The following ROR2 variants were observed in gnomAD, a reference collection of about 807,000 sequenced individuals.
ROR2 encodes the protein tyrosine-protein kinase transmembrane receptor ROR2.
ROR2 carries 33 observed loss-of-function variants against 74.9 expected under a neutral mutation model. That is an observed-to-expected ratio of 0.44 (90% CI 0.33 to 0.59). The LOEUF (loss-of-function observed/expected upper bound fraction) is 0.59, where lower values mean the gene tolerates loss of function less well. Among genes scored for constraint, ROR2 ranks in the 20% least tolerant of loss-of-function variants. ROR2 has a pLI of 0.02. For missense variants in ROR2, 1,216 were observed against 1,313.8 expected (o/e 0.93, Z 1.15); for synonymous variants, 586 against 558.7 (o/e 1.05, Z -0.69).
Position 91,756,084 on chromosome 9 carries a change from T to A in ROR2, c.481A>T (p.Asn161Tyr), listed in dbSNP as rs754694476. The A allele has an allele frequency of 1.2e-6, 2 of 1,614,044 alleles. No homozygotes were observed. Among genetic ancestry groups the A allele is most frequent in the Non-Finnish European group, 1.7e-6 (2 of 1,179,904 alleles). ...ACAGATACTTACTGAAAGTTATGAT[T>A]TGGGCTGTGCGTTGGACCTAAAAAG... is the stretch of plus-strand genomic sequence containing the variant. ...FVRLGPTHSP[N>Y]HNFQDDYHED... The change falls in exon 4 of 9, where the codon AAT (asparagine) becomes TAT (tyrosine). Residue 161 changes from asparagine to tyrosine, a missense_variant. By Grantham distance (143) the Asn-to-Tyr change is moderately radical. Transcript: ENST00000375708.
chr9:91,823,314 T>G (rs905745999), intron 1 of ROR2, among the ~76,000 whole-genome samples: 1 of 152,242 alleles, frequency 6.6e-6, no homozygotes, highest in Admixed American at 6.5e-5. Flanking sequence ...TGTCAACAAC[T>G]TATTTTCAAA....
intron 1 of ROR2, among the ~76,000 whole-genome samples, chr9:91,867,874 C>G (rs866651298): frequency 8.3e-4 from 127 of 152,228 alleles, no homozygotes; most frequent in African/African-American, 2.9e-3. Flanking sequence ...GAACTTGCAG[C>G]CTGAACCCAA....
At chr9:91,903,390 C>T (rs890731306) in intron 1 of ROR2, among the ~76,000 whole-genome samples, 1 of 152,070 alleles carries the variant, frequency 6.6e-6, no homozygotes. Context: ...GGCATCAACT[C>T]ACTTCTACAA....
At chr9:91,773,010 A>C (rs1826286642) in intron 2 of ROR2, among the ~76,000 whole-genome samples, 1 of 152,140 alleles carries the variant, frequency 6.6e-6, no homozygotes, top group East Asian at 1.9e-4. Flanking sequence ...TGATAAGCAA[A>C]TGCATCTTCC....
At chr9:91,757,906 C>T (rs1360168333) in intron 2 of ROR2, among the ~76,000 whole-genome samples, 1 of 152,162 alleles carries the variant, frequency 6.6e-6, no homozygotes, top group Non-Finnish European at 1.5e-5. Flanking sequence ...AACCCATGGC[C>T]AACAGCCTCA....
At chr9:91,767,087 T>C (rs1826081546) in intron 2 of ROR2, among the ~76,000 whole-genome samples, 1 of 151,994 alleles carries the variant, frequency 6.6e-6, no homozygotes, top group Non-Finnish European at 1.5e-5. Context: ...ACGGTTTTTT[T>C]TTTTTTGAGG....
intron 1 of ROR2, among the ~76,000 whole-genome samples, chr9:91,900,410 C>T (rs1363425670): frequency 1.3e-5 from 2 of 152,240 alleles, no homozygotes; most frequent in East Asian, 3.8e-4. Flanking sequence ...GGCCCCCCCA[C>T]GCAGGGAACG....
intron 1 of ROR2, among the ~76,000 whole-genome samples, chr9:91,788,844 G>C (rs1253626592): frequency 1.4e-5 from 2 of 144,644 alleles, no homozygotes; most frequent in Admixed American, 1.4e-4. Context: ...CTGGGTGACA[G>C]AGCGAGACTC....
intron 7 of ROR2, among the ~76,000 whole-genome samples, chr9:91,728,025 G>A (rs1292113400): frequency 4.6e-5 from 7 of 152,120 alleles, no homozygotes; most frequent in Non-Finnish European, 7.3e-5. Flanking sequence ...TGGGGATGCC[G>A]ATTCATTCTT....
At chr9:91,934,184 A>G (rs1431719052) in intron 1 of ROR2, among the ~76,000 whole-genome samples, 1 of 152,114 alleles carries the variant, frequency 6.6e-6, no homozygotes, top group Non-Finnish European at 1.5e-5. Flanking sequence ...TCTTTTTCAA[A>G]TCATCAACAT....
intron 1 of ROR2, among the ~76,000 whole-genome samples, chr9:91,778,441 C>T (rs1257384497): frequency 1.3e-5 from 2 of 152,198 alleles, no homozygotes; most frequent in African/African-American, 2.4e-5. Context: ...AAGGCCTTTT[C>T]GGTTTTCACC....
chr9:91,839,417 GGTGT>G (rs1257624570), intron 1 of ROR2, among the ~76,000 whole-genome samples: 2 of 150,792 alleles, frequency 1.3e-5, no homozygotes, highest in African/African-American at 2.4e-5. Flanking sequence ...GGGTCTGTGG[GGTGT>G]GTGTGTATGT....
intron 1 of ROR2, among the ~76,000 whole-genome samples, chr9:91,805,391 G>A (rs778943737): frequency 2.6e-5 from 4 of 152,196 alleles, no homozygotes; most frequent in Non-Finnish European, 4.4e-5. Context: ...GGCAGTCAGC[G>A]GCTGCTCCTG....
intron 2 of ROR2, among the ~76,000 whole-genome samples, chr9:91,765,025 T>C (rs1564260621): frequency 6.6e-6 from 1 of 152,244 alleles, no homozygotes; most frequent in Non-Finnish European, 1.5e-5. Flanking sequence ...AAATTTATTT[T>C]TATTTTAGCC....
chr9:91,726,811 C>T, intron 7 of ROR2, 68 bp from the exon 8 acceptor site: 2 of 1,506,102 alleles, frequency 1.3e-6, no homozygotes, highest in East Asian at 2.3e-5. Context: ...TCTCTACCAA[C>T]CCACTCTCCA....
At chr9:91,902,629 C>A (rs1830703402) in intron 1 of ROR2, among the ~76,000 whole-genome samples, 1 of 152,178 alleles carries the variant, frequency 6.6e-6, no homozygotes, top group Admixed American at 6.5e-5. Flanking sequence ...AGACATCCAG[C>A]ATCAGTTGGA....
In ROR2 at chr9:91,949,849, C is replaced by T. The variant is rs1832124944; in HGVS notation, c.97+18G>A. On this transcript the variant is annotated intron_variant, in intron 1 of 8. Transcript: ENST00000375708. ...CGTGAGCTACCGTCTGCGCACAAGC[C>T]GGAACGCCAGATCCTACCTGAAGTC... is the stretch of plus-strand genomic sequence containing the variant. The T allele has an allele frequency of 1.3e-6, 2 of 1,488,232 alleles. No individual in the cohort carries two copies. Among genetic ancestry groups the T allele is most frequent in the Non-Finnish European group, 1.8e-6 (2 of 1,092,848 alleles). 92.2% of individuals were successfully genotyped at this position (1,488,232 alleles called of 1,614,324 possible).
chr9:91,775,385 GGGA>G (rs1436159591), intron 2 of ROR2, among the ~76,000 whole-genome samples: 1 of 152,134 alleles, frequency 6.6e-6, no homozygotes, highest in Non-Finnish European at 1.5e-5. Flanking sequence ...CCAGGTGGCT[GGGA>G]GGAGGAGGGC....
chr9:91,729,925 G>A (rs1004956315), intron 7 of ROR2, among the ~76,000 whole-genome samples: 2 of 152,180 alleles, frequency 1.3e-5, no homozygotes, highest in South Asian at 2.1e-4. Flanking sequence ...ATATTTTTAC[G>A]AATATTAGGA....
Sources: allele counts gnomAD v4.1 joint callset (sites outside exome capture counted in the v4.1 genomes callset), GRCh38; gene constraint gnomAD v4.1.1; transcripts MANE v1.5; gene names NCBI Gene and HGNC (gene_info 2026-07-23, HGNC 2026-07-21).